LTO1: variants seen among roughly 807,000 people sequenced by gnomAD.
LTO1 encodes the protein protein LTO1 homolog.
A neutral mutation model predicts 19.8 loss-of-function variants in LTO1; 18 were observed. That is an observed-to-expected ratio of 0.91 (90% CI 0.63 to 1.35). The LOEUF (loss-of-function observed/expected upper bound fraction) is 1.35. Ranked by LOEUF, LTO1 falls within the 40% of genes most tolerant of loss-of-function variation. The probability of loss-of-function intolerance (pLI) is 0.00; values close to 1 mark genes in which losing one functional copy is unlikely to be tolerated. For missense variants in LTO1, 175 were observed against 167.9 expected (o/e 1.04, Z -0.23); for synonymous variants, 59 against 59.6 (o/e 0.99, Z 0.05).
rs117698167 is a variant in LTO1 at position 69,666,286 on chromosome 11, G to A, written c.*1233C>T. ...CACAACACAATCCACTAGGACATTCGGGAATGGTTTTAAAACCAAAGTGGA... is the reference window on the plus strand; with the variant it reads ...CACAACACAATCCACTAGGACATTCAGGAATGGTTTTAAAACCAAAGTGGA... On this transcript the variant is annotated 3_prime_UTR_variant, in exon 5 of 5. Transcript: ENST00000279147. The A allele has an allele frequency of 1.3e-4, 20 of 152,116 alleles. No homozygotes were observed. Among genetic ancestry groups the A allele is most frequent in the African/African-American group, 4.1e-4 (17 of 41,540 alleles). The allele number at this position is 152,116 out of a possible 1,614,324, so 9.4% of individuals were successfully genotyped here. A position where few individuals can be genotyped will look rare whatever the true frequency, so the allele number is the denominator to read the frequency against.
rs1273783966 is a variant in LTO1, at chr11:69,667,268, C to G, written c.*251G>C. On this transcript the variant is annotated 3_prime_UTR_variant, in exon 5 of 5. Coordinates refer to ENST00000279147, the MANE Select transcript of LTO1 (RefSeq NM_153451.3). ...TGTGCTGCCGGAGAGGCTGTCAAGTCAATGCACGAGGGCTCTGCCAGGGAC... is the reference window on the plus strand; with the variant it reads ...TGTGCTGCCGGAGAGGCTGTCAAGTGAATGCACGAGGGCTCTGCCAGGGAC... The G allele has an allele frequency of 5.6e-6, 3 of 533,360 alleles. No individual in the cohort carries two copies. The Admixed American group carries it at 1.1e-4, about 19-fold the overall frequency. 33.0% of individuals were successfully genotyped at this position (533,360 alleles called of 1,614,324 possible). A position where few individuals can be genotyped will look rare whatever the true frequency, so the allele number is the denominator to read the frequency against.
Position 69,675,207 on chromosome 11 carries a change from G to C in LTO1, c.33C>G (p.Ile11Met), listed in dbSNP as rs766341018. 2.6e-6 allele frequency: 4 copies of C among 1,556,772 alleles called. No individual in the cohort carries two copies. The Middle Eastern group carries it at 5.2e-4, about 203-fold the overall frequency. Residue 11 changes from isoleucine to methionine, a missense_variant, in exon 1 of 5, where the codon ATC becomes ATG. Physicochemically the swap from Ile to Met is conservative, Grantham distance 10 (BLOSUM62 1). Transcript: ENST00000279147. The part of the protein sequence containing the change: MAGSQDIFDA[I>M]VMADERFHGE... Reference sequence around the variant, plus strand: ...CCACCCACCTCTCATCCGCCATCACGATGGCATCGAATATGTCCTGACTGC... The same window carrying C: ...CCACCCACCTCTCATCCGCCATCACCATGGCATCGAATATGTCCTGACTGC...
rs1269014635 is a variant in LTO1, at chr11:69,666,753, C to G, written c.*766G>C. On this transcript the variant is annotated 3_prime_UTR_variant, in exon 5 of 5. Coordinates refer to ENST00000279147, the MANE Select transcript of LTO1 (RefSeq NM_153451.3). Reference sequence around the variant, plus strand: ...CTGGGTCCCCTCAGGATCAGGTTGGCCTTTCTTCCTCTCAGCCAGATGCCC... The same window carrying G: ...CTGGGTCCCCTCAGGATCAGGTTGGGCTTTCTTCCTCTCAGCCAGATGCCC... The G allele has an allele frequency of 6.6e-6, 1 of 152,354 alleles. No homozygotes were observed. Among genetic ancestry groups the G allele is most frequent in the African/African-American group, 2.4e-5 (1 of 41,442 alleles). The allele number at this position is 152,354 out of a possible 1,614,324, so 9.4% of individuals were successfully genotyped here.
chr11:69,670,037 T>G (rs893047104), intron 3 of LTO1, among the ~76,000 whole-genome samples: 7 of 149,234 alleles, frequency 4.7e-5, no homozygotes, highest in Admixed American at 3.3e-4. Context: ...AAACCTGACA[T>G]GTAAGATCTA....
In LTO1 at chr11:69,675,350, T is replaced by C. The variant is rs1856176869; in HGVS notation, c.-111A>G. ...CCGCTTGGGAGGAGACGAGACCCACTTCCGGAAGCGGCGGCGCGGGGCAGG... is the reference window on the plus strand; with the variant it reads ...CCGCTTGGGAGGAGACGAGACCCACCTCCGGAAGCGGCGGCGCGGGGCAGG... On this transcript the variant is annotated 5_prime_UTR_variant, in exon 1 of 5. Coordinates refer to ENST00000279147, the MANE Select transcript of LTO1 (RefSeq NM_153451.3). 2.2e-6 allele frequency: 2 copies of C among 903,596 alleles called. No individual in the cohort carries two copies. Among genetic ancestry groups the C allele is most frequent in the Non-Finnish European group, 3.2e-6 (2 of 622,572 alleles). The allele number at this position is 903,596 out of a possible 1,614,324, so 56.0% of individuals were successfully genotyped here.
rs778303144 is a variant in LTO1, at chr11:69,673,056, G to C, written c.156+160C>G. ...ACCTCAAGGCGATCCACCCACCTCA[G>C]ACTCCCAAAGTGCTGGGATTACAGG... On this transcript the variant is annotated intron_variant, in intron 2 of 4. Coordinates refer to ENST00000279147, the MANE Select transcript of LTO1 (RefSeq NM_153451.3). 24 of 686,118 alleles carry C rather than the reference G, an allele frequency of 3.5e-5. No homozygotes were observed. In the African/African-American group the frequency reaches 3.9e-4, roughly 11 times the overall value. The allele number at this position is 686,118 out of a possible 1,614,324, so 42.5% of individuals were successfully genotyped here. A position where few individuals can be genotyped will look rare whatever the true frequency, so the allele number is the denominator to read the frequency against.
At chr11:69,669,023 G>A (rs1408595562) in intron 3 of LTO1, among the ~76,000 whole-genome samples, 4 of 86,038 alleles carry the variant, frequency 4.6e-5, no homozygotes, top group South Asian at 3.9e-4. Context: ...GTGAGAATCC[G>A]TCTCAAAAAA....
rs71046532 is a variant in LTO1, at chr11:69,673,689, C to CTTT, written c.51-371_51-369dup. Among the ~76,000 whole-genome samples the CTTT allele has an allele frequency of 4.9e-4, 59 of 121,236 alleles. 2 individuals carry two copies. Among genetic ancestry groups the CTTT allele is most frequent in the Non-Finnish European group, 8.3e-4 (50 of 60,286 alleles). 79.5% of individuals were successfully genotyped at this position (121,236 alleles called of 152,430 possible). The stretch of plus-strand genomic sequence containing the variant: ...CCCTGGAATCTACTTTTCTTTCTTC[C>CTTT]TTTTTTTTTTTTTTTTTTTTGAGAC... On this transcript the variant is annotated intron_variant, in intron 1 of 4. Transcript: ENST00000279147.
chr11:69,674,714 G>A (rs1025529829), intron 1 of LTO1: 8 of 456,858 alleles, frequency 1.8e-5, no homozygotes, highest in Non-Finnish European at 3.5e-5. Flanking sequence ...AGTCAGCCAG[G>A]AGGCAACTCA....
In LTO1 at chr11:69,673,336, C is replaced by A. The variant is rs1274799714; in HGVS notation, c.51-15G>T. 1 of 1,476,682 alleles carries A rather than the reference C, an allele frequency of 6.8e-7. No homozygotes were observed. Among genetic ancestry groups the A allele is most frequent in the Non-Finnish European group, 9.5e-7 (1 of 1,054,872 alleles). The allele number at this position is 1,476,682 out of a possible 1,614,324, so 91.5% of individuals were successfully genotyped here. ...CCCCATGAAACCTGTGAAGAAGAAGCATGCTTCATCAAATCAACAGGAGAA... is the reference window on the plus strand; with the variant it reads ...CCCCATGAAACCTGTGAAGAAGAAGAATGCTTCATCAAATCAACAGGAGAA... On this transcript the variant is annotated splice_polypyrimidine_tract_variant and intron_variant, in intron 1 of 4. Coordinates refer to ENST00000279147, the MANE Select transcript of LTO1 (RefSeq NM_153451.3).
chr11:69,673,862 C>CTT (rs1349731038), intron 1 of LTO1, among the ~76,000 whole-genome samples: 2 of 151,780 alleles, frequency 1.3e-5, no homozygotes, highest in Non-Finnish European at 2.9e-5. Flanking sequence ...CTGCAATCCA[C>CTT]TTTTCTTTTC....
chr11:69,668,045 T>C (rs1363627288), intron 3 of LTO1, 33 bp from the exon 4 acceptor site: 5 of 1,063,726 alleles, frequency 4.7e-6, no homozygotes, highest in Non-Finnish European at 7.4e-6. Flanking sequence ...CTCTCAGTCA[T>C]GTGCACACAA....
chr11:69,673,646 A>T (rs1170620944), intron 1 of LTO1, among the ~76,000 whole-genome samples: 1 of 151,726 alleles, frequency 6.6e-6, no homozygotes, highest in South Asian at 2.1e-4. Flanking sequence ...CCAGAGATTC[A>T]GTACGTCTGG....
At chr11:69,673,410 A>G in intron 1 of LTO1, 89 bp from the exon 2 acceptor site, 3 of 857,628 alleles carry the variant, frequency 3.5e-6, no homozygotes, top group South Asian at 2.9e-5. Context: ...ACCCGGACCC[A>G]GTAAGACAAA....
In LTO1 at chr11:69,675,330, T is replaced by C. The variant is rs913779120; in HGVS notation, c.-91A>G. ...CAGCTTCAGGCACAAATGCTCCGCT[T>C]GGGAGGAGACGAGACCCACTTCCGG... On this transcript the variant is annotated 5_prime_UTR_variant, in exon 1 of 5. Transcript: ENST00000279147. The C allele has an allele frequency of 1.8e-6, 2 of 1,103,834 alleles. No individual in the cohort carries two copies. The highest frequency in any genetic ancestry group is 3.3e-5 in the Admixed American group (1 of 30,282). 68.4% of individuals were successfully genotyped at this position (1,103,834 alleles called of 1,614,324 possible).
At chr11:69,668,145 A>ATT (rs1236839706) in intron 3 of LTO1, 133 bp from the exon 4 acceptor site, 1 of 657,914 alleles carries the variant, frequency 1.5e-6, no homozygotes, top group Non-Finnish European at 2.7e-6. Context: ...CTGGATGATT[A>ATT]TTTTCTCATT....
intron 3 of LTO1, among the ~76,000 whole-genome samples, chr11:69,670,234 T>C (rs1297120217): frequency 6.6e-6 from 1 of 152,224 alleles, no homozygotes. Context: ...AGCAAACCCC[T>C]GCTCTGGGGT....
chr11:69,671,613 C>T, intron 3 of LTO1, 136 bp downstream of exon 3: 1 of 663,158 alleles, frequency 1.5e-6, no homozygotes, highest in Non-Finnish European at 2.7e-6. Flanking sequence ...TAACAACACT[C>T]AAGCTTGACA....
At position 69,673,417 on chromosome 11, in the gene LTO1, C is replaced by T. The variant is rs115874884; in HGVS notation, c.51-96G>A. 1.7e-3 allele frequency: 1,404 copies of T among 805,526 alleles called. 7 individuals are homozygous for T. The African/African-American group carries it at 0.02, about 12-fold the overall frequency. The allele number at this position is 805,526 out of a possible 1,614,324, so 49.9% of individuals were successfully genotyped here. Reference sequence around the variant, plus strand: ...CTTGTATTACCCGGACCCAGTAAGACAAACCAGAGTAAAGGAGGAAAAGCC... The same window carrying T: ...CTTGTATTACCCGGACCCAGTAAGATAAACCAGAGTAAAGGAGGAAAAGCC... On this transcript the variant is annotated intron_variant, in intron 1 of 4. Transcript: ENST00000279147.
Sources: allele counts gnomAD v4.1 joint callset (sites outside exome capture counted in the v4.1 genomes callset), GRCh38; gene constraint gnomAD v4.1.1; transcripts MANE v1.5; gene names NCBI Gene and HGNC (gene_info 2026-07-23, HGNC 2026-07-21).